Variants in NDST4 observed in about 807,000 individuals in gnomAD.
The protein encoded by NDST4 is N-heparan sulfate sulfotransferase 4.
A neutral mutation model predicts 100.8 loss-of-function variants in NDST4; 63 were observed. That is an observed-to-expected ratio of 0.62 (90% CI 0.51 to 0.77). The LOEUF is 0.77. Among genes scored for constraint, NDST4 ranks in the 30% least tolerant of loss-of-function variants. The pLI is 0.00. For synonymous variants in NDST4, 377 were observed against 361.8 expected (o/e 1.04, Z -0.48); for missense variants, 943 against 1,018.4 (o/e 0.93, Z 1.01).
chr4:114,891,831 C>T (rs1358572502), intron 6 of NDST4, among the ~76,000 whole-genome samples: 1 of 152,072 alleles, frequency 6.6e-6, no homozygotes, highest in Non-Finnish European at 1.5e-5. Flanking sequence ...ACCTTGAGTT[C>T]CAGGTGTTGA....
At chr4:114,882,584 G>GA (rs991229921) in intron 6 of NDST4, among the ~76,000 whole-genome samples, 1 of 150,882 alleles carries the variant, frequency 6.6e-6, no homozygotes, top group East Asian at 1.9e-4. Context: ...AGTACAAAGA[G>GA]AAAAAAAATA....
intron 2 of NDST4, among the ~76,000 whole-genome samples, chr4:115,056,658 T>C (rs954647361): frequency 1.3e-5 from 2 of 152,140 alleles, no homozygotes; most frequent in African/African-American, 4.8e-5. Context: ...TATTAGAAAC[T>C]ACTGTTTCTC....
At chr4:114,985,357 C>T (rs1419511590) in intron 2 of NDST4, among the ~76,000 whole-genome samples, 1 of 152,184 alleles carries the variant, frequency 6.6e-6, no homozygotes, top group Non-Finnish European at 1.5e-5. Flanking sequence ...CTCCTTTTGC[C>T]ACTCTTCATT....
rs142701748 is a variant in NDST4, at chr4:115,072,516, A to G, written c.978+3543T>C. ...CACAGACCAATGGAATAAAATAGTGAACACAGAAATAAATTCTTGCATTTA... is the reference window on the plus strand; with the variant it reads ...CACAGACCAATGGAATAAAATAGTGGACACAGAAATAAATTCTTGCATTTA... On this transcript the variant is annotated intron_variant, in intron 2 of 13. Coordinates refer to ENST00000264363, the MANE Select transcript of NDST4 (RefSeq NM_022569.3). 4.9e-3 allele frequency among the ~76,000 whole-genome samples: 745 copies of G among 152,186 alleles called. 12 individuals carry two copies. Among genetic ancestry groups the G allele is most frequent in the African/African-American group, 0.017 (705 of 41,558 alleles).
At position 115,064,692 on chromosome 4, in the gene NDST4, G is replaced by A. The variant is rs78627427; in HGVS notation, c.978+11367C>T. Among the ~76,000 whole-genome samples, 970 of 152,120 alleles carry A rather than the reference G, an allele frequency of 6.4e-3. 9 individuals carry two copies. Among genetic ancestry groups the A allele is most frequent in the Non-Finnish European group, 0.01 (694 of 67,954 alleles). On this transcript the variant is annotated intron_variant, in intron 2 of 13. Coordinates refer to ENST00000264363, the MANE Select transcript of NDST4 (RefSeq NM_022569.3). ...ATAACCAATGAAAGGCATACAAGAG[G>A]CTACTATCTCAGTGCATGAGACATT...
In NDST4 at chr4:114,951,496, C is replaced by T. The variant is rs372980761; in HGVS notation, c.1222-13993G>A. Reference sequence around the variant, plus strand: ...TGCTTCTTGAAGAAATATGGTAAAACTGATGATAACCATAATGATAATGAT... The same window carrying T: ...TGCTTCTTGAAGAAATATGGTAAAATTGATGATAACCATAATGATAATGAT... On this transcript the variant is annotated intron_variant, in intron 4 of 13. Coordinates refer to ENST00000264363, the MANE Select transcript of NDST4 (RefSeq NM_022569.3). Among the ~76,000 whole-genome samples the T allele has an allele frequency of 4.1e-4, 63 of 152,130 alleles. No homozygotes were observed. In the East Asian group the frequency reaches 4.4e-3, roughly 11 times the overall value.
At chr4:115,012,973 T>G (rs951997152) in intron 2 of NDST4, among the ~76,000 whole-genome samples, 2 of 151,834 alleles carry the variant, frequency 1.3e-5, no homozygotes, top group African/African-American at 4.8e-5. Flanking sequence ...ACTTCGCATG[T>G]TCTCATTTAT....
chr4:114,945,080 A>G (rs980445956), intron 4 of NDST4, among the ~76,000 whole-genome samples: 2 of 151,984 alleles, frequency 1.3e-5, no homozygotes, highest in Non-Finnish European at 2.9e-5. Context: ...GTGGTGGCAC[A>G]TGCCTGTAAT....
At chr4:114,960,408 C>T (rs986973447) in intron 4 of NDST4, among the ~76,000 whole-genome samples, 2 of 151,844 alleles carry the variant, frequency 1.3e-5, no homozygotes, top group Non-Finnish European at 2.9e-5. Flanking sequence ...GAGTTTGAGA[C>T]CAGCCTGGCC....
At chr4:114,953,247 C>T (rs890945032) in intron 4 of NDST4, among the ~76,000 whole-genome samples, 1 of 151,888 alleles carries the variant, frequency 6.6e-6, no homozygotes, top group Non-Finnish European at 1.5e-5. Flanking sequence ...AGCCTAAGAA[C>T]CTTTCTCCAT....
In NDST4 at chr4:114,985,942, G is replaced by A. The variant is rs529997405; in HGVS notation, c.979-8668C>T. ...GGGGCCAGTGAGAACAGATCTTAGG[G>A]TCAGGAAAGAACTTAGCGTCGTTAA... On this transcript the variant is annotated intron_variant, in intron 2 of 13. Transcript: ENST00000264363. Among the ~76,000 whole-genome samples the A allele has an allele frequency of 3.9e-5, 6 of 152,244 alleles. No homozygotes were observed. In the South Asian group the frequency reaches 8.3e-4, roughly 21 times the overall value.
chr4:115,101,848 A>G (rs770859991), intron 1 of NDST4, among the ~76,000 whole-genome samples: 9 of 152,158 alleles, frequency 5.9e-5, no homozygotes, highest in Non-Finnish European at 8.8e-5. Flanking sequence ...GCGATATGAG[A>G]TTTCAGAGAG....
intron 2 of NDST4, among the ~76,000 whole-genome samples, chr4:115,034,309 C>T (rs1345443381): frequency 1.3e-5 from 2 of 152,046 alleles, no homozygotes; most frequent in Non-Finnish European, 2.9e-5. Context: ...TAGCCGATGC[C>T]GTGTCCTCCT....
intron 2 of NDST4, among the ~76,000 whole-genome samples, chr4:114,989,146 G>A (rs1726981565): frequency 6.6e-6 from 1 of 152,126 alleles, no homozygotes; most frequent in African/African-American, 2.4e-5. Context: ...AGTCTACCAA[G>A]TGATTTTCTG....
chr4:114,986,832 A>ATATTTTTTTTT, intron 2 of NDST4, among the ~76,000 whole-genome samples: 4 of 94,662 alleles, frequency 4.2e-5, no homozygotes, highest in South Asian at 8.5e-4. Context: ...ATATATATAT[A>ATATTTTTTTTT]TTTTAATATA....
At chr4:114,908,429 C>T (rs990075309) in intron 6 of NDST4, among the ~76,000 whole-genome samples, 3 of 152,008 alleles carry the variant, frequency 2.0e-5, no homozygotes, top group Admixed American at 6.5e-5. Context: ...TCATATCAGT[C>T]GAATTTAATT....
intron 2 of NDST4, among the ~76,000 whole-genome samples, chr4:115,021,906 CAT>C (rs1466944150): frequency 2.0e-5 from 3 of 146,984 alleles, no homozygotes; most frequent in Non-Finnish European, 2.9e-5. Flanking sequence ...ATACACATTC[CAT>C]ATATATATGT....
At chr4:114,847,778 A>G (rs547832062) in intron 9 of NDST4, among the ~76,000 whole-genome samples, 1 of 152,342 alleles carries the variant, frequency 6.6e-6, no homozygotes, top group South Asian at 2.1e-4. Flanking sequence ...ATCAGCCTAC[A>G]TTATAACAAA....
At chr4:114,966,051 T>C (rs922224242) in intron 4 of NDST4, among the ~76,000 whole-genome samples, 5 of 151,978 alleles carry the variant, frequency 3.3e-5, no homozygotes, top group Non-Finnish European at 7.4e-5. Context: ...AAAGTATTTT[T>C]CTCCACCCTA....
Sources: gnomAD v4.1 joint callset for allele counts (sites outside exome capture counted in the v4.1 genomes callset) on GRCh38, gnomAD v4.1.1 for gene constraint, MANE v1.5 for transcripts, NCBI Gene and HGNC (gene_info 2026-07-23, HGNC 2026-07-21) for gene names.